TMEM169: variants seen among roughly 807,000 people sequenced by gnomAD.
TMEM169 encodes transmembrane protein 169.
Under a neutral mutation model 27.3 loss-of-function variants are expected in TMEM169, and 18 were observed. The ratio of observed to expected loss-of-function variants is 0.66; its 90% CI spans 0.46 to 0.98. TMEM169 has a LOEUF of 0.98. Ranked by LOEUF, TMEM169 falls within the 50% of genes least tolerant of loss-of-function variation. TMEM169 has a pLI of 0.00. For missense variants in TMEM169, 320 were observed against 368.6 expected, an observed-to-expected ratio of 0.87 and a Z score of 1.08; for synonymous variants, 136 against 142.1, an observed-to-expected ratio of 0.96 and a Z score of 0.30.
rs763389781 is a variant in TMEM169, at chr2:216,100,462, G to A, written c.814G>A (p.Glu272Lys). Residue 272 changes from glutamate to lysine, a missense_variant, in exon 3 of 3, where the codon GAG becomes AAG. Glu to Lys is a moderately conservative substitution (Grantham distance 56). Transcript: ENST00000437356. Reference sequence around the variant, plus strand: ...GGACTGTTCTCCCTACAGCATTGTGGAGTTGCTTGAATCCGACAATATCTC... The same window carrying A: ...GGACTGTTCTCCCTACAGCATTGTGAAGTTGCTTGAATCCGACAATATCTC... ...LEDCSPYSIV[E>K]LLESDNISST... 8 of 1,613,928 alleles carry A rather than the reference G, an allele frequency of 5.0e-6. No homozygotes were observed. Among genetic ancestry groups the A allele is most frequent in the South Asian group, 1.1e-5 (1 of 91,062 alleles).
rs139294057 is a variant in TMEM169 at position 216,084,436 on chromosome 2, T to C, written c.-127+2457T>C. Among the ~76,000 whole-genome samples the C allele has an allele frequency of 3.7e-4, 57 of 152,344 alleles. 1 individual carries two copies. The East Asian group carries it at 7.3e-3, about 20-fold the overall frequency. ...TCTCAGGCTTTCACAAAAAATAAGC[T>C]ACTCCTGAGTTGCTACCACTTCACC... On this transcript the variant is annotated intron_variant, in intron 1 of 2. Transcript: ENST00000437356.
chr2:216,084,564 G>C (rs751802584), intron 1 of TMEM169, among the ~76,000 whole-genome samples: 1 of 152,102 alleles, frequency 6.6e-6, no homozygotes, highest in Non-Finnish European at 1.5e-5. Flanking sequence ...CAATAAATAA[G>C]TAAAAGAAAA....
At chr2:216,090,165 G>A (rs1435441378) in intron 1 of TMEM169, among the ~76,000 whole-genome samples, 3 of 152,198 alleles carry the variant, frequency 2.0e-5, no homozygotes, top group African/African-American at 7.2e-5. Flanking sequence ...TTATCAGAGA[G>A]AGTAAAGTGG....
intron 1 of TMEM169, among the ~76,000 whole-genome samples, chr2:216,084,747 G>A (rs1351098112): frequency 1.3e-5 from 2 of 152,154 alleles, no homozygotes; most frequent in African/African-American, 2.4e-5. Flanking sequence ...AGGAAGAGGC[G>A]GGGTGGAGCA....
chr2:216,100,354 T>C lies in TMEM169; in HGVS notation c.706T>C (p.Trp236Arg). 6.2e-7 allele frequency: 1 copy of C among 1,614,044 alleles called. No homozygotes were observed. Among genetic ancestry groups the C allele is most frequent in the East Asian group, 2.2e-5 (1 of 44,872 alleles). The change falls in exon 3 of 3, where the codon TGG (tryptophan) becomes CGG (arginine). Residue 236 changes from tryptophan to arginine, a missense_variant. By Grantham distance (101) the Trp-to-Arg change is moderately radical (BLOSUM62 -3). Transcript: ENST00000437356. ...GLYAAVVQLS[W>R]SWEAWWQAAR... Reference sequence around the variant, plus strand: ...CTACGCTGCTGTGGTCCAGCTCTCGTGGTCCTGGGAAGCATGGTGGCAAGC... The same window carrying C: ...CTACGCTGCTGTGGTCCAGCTCTCGCGGTCCTGGGAAGCATGGTGGCAAGC...
chr2:216,096,306 G>T (rs757312967), intron 2 of TMEM169, 72 bp downstream of exon 2: 88 of 1,504,456 alleles, frequency 5.8e-5, no homozygotes, highest in Non-Finnish European at 7.7e-5. Flanking sequence ...GAACAGACAG[G>T]CATATGCTCA....
At chr2:216,096,527 G>A (rs562632396) in intron 2 of TMEM169, among the ~76,000 whole-genome samples, 1 of 152,130 alleles carries the variant, frequency 6.6e-6, no homozygotes, top group South Asian at 2.1e-4. Flanking sequence ...ACCATGCCGG[G>A]CTAGTTTTTG....
At chr2:216,093,679 A>G (rs6749415) in intron 1 of TMEM169, among the ~76,000 whole-genome samples, 31,615 of 151,962 alleles carry the variant, frequency 0.21, 3,330 homozygotes, top group South Asian at 0.25. Context: ...AAGAAAATCA[A>G]CAGAGGCTAG....
chr2:216,095,421 G>C (rs1268024706), intron 1 of TMEM169, among the ~76,000 whole-genome samples: 3 of 152,126 alleles, frequency 2.0e-5, no homozygotes, highest in African/African-American at 7.2e-5. Context: ...CTACTGGTAA[G>C]GCTTCCTCAC....
At position 216,095,823 on chromosome 2, in the gene TMEM169, T is replaced by C; in HGVS notation, c.-126-15T>C. The C allele has an allele frequency of 9.9e-7, 1 of 1,013,786 alleles. No individual in the cohort carries two copies. The highest frequency in any genetic ancestry group is 1.4e-6 in the Non-Finnish European group (1 of 711,502). The allele number at this position is 1,013,786 out of a possible 1,614,324, so 62.8% of individuals were successfully genotyped here. On this transcript the variant is annotated splice_polypyrimidine_tract_variant and intron_variant, in intron 1 of 2. Coordinates refer to ENST00000437356, the MANE Select transcript of TMEM169 (RefSeq NM_001142311.2). ...ATTTGCTTCCTGTTGATGGCTTTGC[T>C]TTCCTATCTTTCAGGTGGAATGCAT... is the stretch of plus-strand genomic sequence containing the variant.
chr2:216,098,713 G>GTT (rs397870633), intron 2 of TMEM169, among the ~76,000 whole-genome samples: 1 of 91,616 alleles, frequency 1.1e-5, no homozygotes, highest in Non-Finnish European at 1.9e-5. Context: ...GTGTGGGTGC[G>GTT]TTGTGTGTGT....
chr2:216,100,754 C>A lies in TMEM169; in HGVS notation c.*212C>A. 5 of 624,872 alleles carry A rather than the reference C, an allele frequency of 8.0e-6. No homozygotes were observed. The highest frequency in any genetic ancestry group is 1.1e-5 in the Non-Finnish European group (4 of 363,464). 38.7% of individuals were successfully genotyped at this position (624,872 alleles called of 1,614,324 possible). A position where few individuals can be genotyped will look rare whatever the true frequency, so the allele number is the denominator to read the frequency against. ...AAGCAGTTCACCCAATGGACAAACT[C>A]TTTTTGATTCCCTGCCCTAAAATCA... On this transcript the variant is annotated 3_prime_UTR_variant, in exon 3 of 3. Coordinates refer to ENST00000437356, the MANE Select transcript of TMEM169 (RefSeq NM_001142311.2).
chr2:216,085,463 C>T (rs1695973785), intron 1 of TMEM169, among the ~76,000 whole-genome samples: 1 of 152,118 alleles, frequency 6.6e-6, no homozygotes, highest in African/African-American at 2.4e-5. Context: ...TGGAAGGCAG[C>T]AAGAGTGGAA....
rs139103347 is a variant in TMEM169, at chr2:216,101,245, T to C, written c.*703T>C. ...TCAGCCATCACATCCATGTTTCTGA[T>C]AAAATAGAGGAAAGGGCAGAGAAGC... On this transcript the variant is annotated 3_prime_UTR_variant, in exon 3 of 3. Transcript: ENST00000437356. The C allele has an allele frequency of 3.8e-3, 579 of 153,492 alleles. 1 individual carries two copies. Among genetic ancestry groups the C allele is most frequent in the Middle Eastern group, 0.02 (6 of 296 alleles). 9.5% of individuals were successfully genotyped at this position (153,492 alleles called of 1,614,324 possible). A position where few individuals can be genotyped will look rare whatever the true frequency, so the allele number is the denominator to read the frequency against.
chr2:216,086,898 A>G (rs552119464), intron 1 of TMEM169, among the ~76,000 whole-genome samples: 33 of 152,338 alleles, frequency 2.2e-4, no homozygotes, highest in African/African-American at 7.5e-4. Context: ...TTAAATTACA[A>G]ATAGAAGGAG....
chr2:216,096,599 A>G (rs1367375077), intron 2 of TMEM169, among the ~76,000 whole-genome samples: 1 of 152,182 alleles, frequency 6.6e-6, no homozygotes, highest in Non-Finnish European at 1.5e-5. Context: ...TCCTGGCCTC[A>G]AGTGATCCAC....
At chr2:216,098,493 G>C (rs1696310248) in intron 2 of TMEM169, among the ~76,000 whole-genome samples, 2 of 152,288 alleles carry the variant, frequency 1.3e-5, no homozygotes, top group Non-Finnish European at 2.9e-5. Flanking sequence ...ACTGTGAAAA[G>C]ACAGGGCTTG....
chr2:216,098,710 T>C (rs1696315247), intron 2 of TMEM169, among the ~76,000 whole-genome samples: 1 of 105,092 alleles, frequency 9.5e-6, no homozygotes, highest in Admixed American at 1.0e-4. Flanking sequence ...TCTGTGTGGG[T>C]GCGTTGTGTG....
chr2:216,088,287 G>A (rs1439932419), intron 1 of TMEM169, among the ~76,000 whole-genome samples: 8 of 151,960 alleles, frequency 5.3e-5, no homozygotes, highest in African/African-American at 1.9e-4. Context: ...GTGAAACCCC[G>A]TCTCTACTAA....
Sources: allele counts gnomAD v4.1 joint callset (sites outside exome capture counted in the v4.1 genomes callset), GRCh38; gene constraint gnomAD v4.1.1; transcripts MANE v1.5; gene names NCBI Gene and HGNC (gene_info 2026-07-23, HGNC 2026-07-21).